Variants in WDSUB1 observed in about 807,000 individuals in gnomAD.
WDSUB1 encodes WD repeat, SAM and U-box domain-containing protein 1.
In WDSUB1, 49 loss-of-function variants were observed where a neutral mutation model predicts 53.9. The observed-to-expected ratio is 0.91, with a 90% CI of 0.72 to 1.15. The LOEUF (loss-of-function observed/expected upper bound fraction) is 1.15. WDSUB1 is among the 50% of genes most tolerant of loss of function. The probability of loss-of-function intolerance (pLI) is 0.00; values close to 1 mark genes in which losing one functional copy is unlikely to be tolerated. For missense variants in WDSUB1, 514 were observed against 562.0 expected, an observed-to-expected ratio of 0.91 and a Z score of 0.86; for synonymous variants, 194 against 200.6, an observed-to-expected ratio of 0.97 and a Z score of 0.28.
At chr2:159,274,800 C>G (rs1309370234) in intron 4 of WDSUB1, among the ~76,000 whole-genome samples, 2 of 152,124 alleles carry the variant, frequency 1.3e-5, no homozygotes, top group Non-Finnish European at 2.9e-5. Context: ...GACTCAACTG[C>G]AAACAAAGAT....
chr2:159,286,185 A>C (rs1309806142), intron 1 of WDSUB1, among the ~76,000 whole-genome samples: 1 of 152,042 alleles, frequency 6.6e-6, no homozygotes, highest in African/African-American at 2.4e-5. Context: ...AAACACATGA[A>C]TCCCATCTCA....
At position 159,282,383 on chromosome 2, in the gene WDSUB1, G is replaced by A. The variant is rs535331456; in HGVS notation, c.398+289C>T. Among the ~76,000 whole-genome samples, 608 of 152,026 alleles carry A rather than the reference G, an allele frequency of 4.0e-3. 8 individuals carry two copies. Among genetic ancestry groups the A allele is most frequent in the African/African-American group, 0.014 (578 of 41,472 alleles). On this transcript the variant is annotated intron_variant, in intron 2 of 10. Transcript: ENST00000359774. Reference sequence around the variant, plus strand: ...AATTTTTTGTATTTTTAGTAGAGACGGGGTTTCACCATGTTAGCCAGGATG... The same window carrying A: ...AATTTTTTGTATTTTTAGTAGAGACAGGGTTTCACCATGTTAGCCAGGATG...
chr2:159,251,402 G>A (rs1199673983), intron 9 of WDSUB1, among the ~76,000 whole-genome samples: 1 of 152,080 alleles, frequency 6.6e-6, no homozygotes, highest in African/African-American at 2.4e-5. Flanking sequence ...AACACAGAAG[G>A]CCTAATTCAA....
At position 159,261,869 on chromosome 2, in the gene WDSUB1, TATATA is replaced by T. The variant is rs2061205369; in HGVS notation, c.771-2031_771-2027del. Among the ~76,000 whole-genome samples, 3 of 21,480 alleles carry T rather than the reference TATATA, an allele frequency of 1.4e-4. 1 individual carries two copies. The highest frequency in any genetic ancestry group is 7.5e-5 in the Non-Finnish European group (1 of 13,276). 14.1% of individuals were successfully genotyped at this position (21,480 alleles called of 152,430 possible). On this transcript the variant is annotated intron_variant, in intron 5 of 10. Transcript: ENST00000359774. ...ACTCATATATATATATATATATATATATATATATATATATATATATATATATATTT... is the reference window on the plus strand; with the variant it reads ...ACTCATATATATATATATATATATATTATATATATATATATATATATATTT...
chr2:159,272,975 A>C (rs1338783453), intron 4 of WDSUB1, among the ~76,000 whole-genome samples: 1 of 152,230 alleles, frequency 6.6e-6, no homozygotes, highest in Non-Finnish European at 1.5e-5. Flanking sequence ...AGGAAAAGGA[A>C]ATACACGAGG....
intron 8 of WDSUB1, among the ~76,000 whole-genome samples, chr2:159,257,277 T>A (rs2061084783): frequency 6.6e-6 from 1 of 151,266 alleles, no homozygotes; most frequent in African/African-American, 2.4e-5. Context: ...GCTGGGATTA[T>A]AAGTGTGAGC....
intron 6 of WDSUB1, among the ~76,000 whole-genome samples, chr2:159,259,312 A>C (rs1483102003): frequency 6.6e-6 from 1 of 152,200 alleles, no homozygotes; most frequent in African/African-American, 2.4e-5. Flanking sequence ...GGTGTGAGCC[A>C]CTGCACCCGG....
At chr2:159,280,833 A>C (rs1446563609) in intron 2 of WDSUB1, among the ~76,000 whole-genome samples, 1 of 152,100 alleles carries the variant, frequency 6.6e-6, no homozygotes, top group African/African-American at 2.4e-5. Context: ...GTATTTGCTC[A>C]ATTAGGAAAA....
intron 6 of WDSUB1, among the ~76,000 whole-genome samples, chr2:159,259,036 A>AATTTTTCTTTTTTTTTTTTTTT (rs1436442238): frequency 6.6e-6 from 1 of 150,612 alleles, no homozygotes; most frequent in East Asian, 2.0e-4. Flanking sequence ...CAACTACTTT[A>AATTTTTCTTTTTTTTTTTTTTT]TTTTTGAGAC....
At chr2:159,265,102 A>C (rs113464511) in intron 5 of WDSUB1, among the ~76,000 whole-genome samples, 139 of 146,496 alleles carry the variant, frequency 9.5e-4, no homozygotes, top group African/African-American at 3.5e-3. Flanking sequence ...AAAAAAAATA[A>C]AACAACAACA....
At chr2:159,269,139 AAAAGT>A (rs1473681985) in intron 5 of WDSUB1, among the ~76,000 whole-genome samples, 1 of 151,868 alleles carries the variant, frequency 6.6e-6, no homozygotes, top group African/African-American at 2.4e-5. Context: ...AGAATTTTCC[AAAAGT>A]GGTAAAATAT....
chr2:159,264,378 C>T (rs2061292083), intron 5 of WDSUB1, among the ~76,000 whole-genome samples: 2 of 152,206 alleles, frequency 1.3e-5, no homozygotes, highest in East Asian at 1.9e-4. Context: ...GGAAAGATAA[C>T]GTTAAGCCTT....
At chr2:159,269,165 A>ATTT (rs11324784) in intron 5 of WDSUB1, among the ~76,000 whole-genome samples, 18 of 108,316 alleles carry the variant, frequency 1.7e-4, no homozygotes, top group East Asian at 4.6e-4. Flanking sequence ...CTTTCCACAG[A>ATTT]TTTTTTTTTT....
chr2:159,267,682 A>G (rs1459878868), intron 5 of WDSUB1, among the ~76,000 whole-genome samples: 1 of 152,188 alleles, frequency 6.6e-6, no homozygotes, highest in Non-Finnish European at 1.5e-5. Context: ...ATTCATATAC[A>G]GCCTCGTTTT....
At chr2:159,240,819 C>CAGAAAGGACAACTATA (rs1288004479) in intron 10 of WDSUB1, among the ~76,000 whole-genome samples, 1 of 152,126 alleles carries the variant, frequency 6.6e-6, no homozygotes, top group Non-Finnish European at 1.5e-5. Flanking sequence ...ACGGGACTTC[C>CAGAAAGGACAACTATA]AGAAAGGACA....
intron 5 of WDSUB1, among the ~76,000 whole-genome samples, chr2:159,265,528 G>A (rs1211847149): frequency 6.6e-6 from 1 of 152,062 alleles, no homozygotes; most frequent in Non-Finnish European, 1.5e-5. Context: ...GCCCAGGAAT[G>A]AGATCCCTGA....
chr2:159,240,339 AACT>A (rs2060611515), intron 10 of WDSUB1, among the ~76,000 whole-genome samples: 1 of 152,154 alleles, frequency 6.6e-6, no homozygotes. Flanking sequence ...ATGCCTGTAC[AACT>A]TTTTGTATGA....
chr2:159,238,160 C>A (rs1045820139), intron 10 of WDSUB1, among the ~76,000 whole-genome samples: 2 of 152,232 alleles, frequency 1.3e-5, no homozygotes, highest in East Asian at 3.9e-4. Context: ...GTGAGCTATT[C>A]ATATTTTTTG....
intron 9 of WDSUB1, 84 bp downstream of exon 9, chr2:159,256,112 G>T: frequency 6.8e-6 from 9 of 1,323,434 alleles, no homozygotes; most frequent in Non-Finnish European, 9.3e-6. Context: ...ACATTAAGAA[G>T]AAACCATTAA....
Sources: allele counts gnomAD v4.1 joint callset (sites outside exome capture counted in the v4.1 genomes callset), GRCh38; gene constraint gnomAD v4.1.1; transcripts MANE v1.5; gene names NCBI Gene and HGNC (gene_info 2026-07-23, HGNC 2026-07-21).